Variants in DENND1A observed in about 807,000 individuals in gnomAD.
DENND1A encodes DENN domain-containing protein 1A.
DENND1A carries 51 observed loss-of-function variants against 113.7 expected under a neutral mutation model. The observed-to-expected ratio is 0.45, with a 90% CI of 0.36 to 0.57. The LOEUF (loss-of-function observed/expected upper bound fraction) is 0.57. Among genes scored for constraint, DENND1A ranks in the 20% least tolerant of loss-of-function variants. The probability of loss-of-function intolerance (pLI) is 0.00; values close to 1 mark genes in which losing one functional copy is unlikely to be tolerated. For missense variants in DENND1A, 1,258 were observed against 1,395.9 expected, an observed-to-expected ratio of 0.90 and a Z score of 1.57; for synonymous variants, 565 against 570.8, an observed-to-expected ratio of 0.99 and a Z score of 0.14.
rs1190576474 is a variant in DENND1A, at chr9:123,530,918, T to C, written c.993+26652A>G. Among the ~76,000 whole-genome samples the C allele has an allele frequency of 2.0e-5, 3 of 152,216 alleles. No individual in the cohort carries two copies. In the South Asian group the frequency reaches 6.2e-4, roughly 31 times the overall value. On this transcript the variant is annotated intron_variant, in intron 13 of 23. Transcript: ENST00000394215. ...ATAAAAGTTATGTAAATGTGGTCTTTTTCTCTCTTTCCAAATTTCTTATTG... is the reference window on the plus strand; with the variant it reads ...ATAAAAGTTATGTAAATGTGGTCTTCTTCTCTCTTTCCAAATTTCTTATTG...
intron 5 of DENND1A, among the ~76,000 whole-genome samples, chr9:123,711,513 G>GTATATGTATATATATATATATA (rs2066612837): frequency 1.7e-5 from 2 of 120,984 alleles, no homozygotes; most frequent in East Asian, 4.6e-4. Flanking sequence ...ATGTATATAT[G>GTATATGTATATATATATATATA]TATATATATA....
At chr9:123,857,468 T>G (rs578065753) in intron 2 of DENND1A, among the ~76,000 whole-genome samples, 29 of 152,178 alleles carry the variant, frequency 1.9e-4, no homozygotes, top group Non-Finnish European at 3.1e-4. Context: ...CCAAAACAAT[T>G]GTTAATTAAA....
chr9:123,826,208 C>G (rs2132686021), intron 2 of DENND1A, among the ~76,000 whole-genome samples: 1 of 152,172 alleles, frequency 6.6e-6, no homozygotes, highest in Non-Finnish European at 1.5e-5. Context: ...ATTTCCACAG[C>G]CTGGGCAACA....
At chr9:123,560,270 C>T (rs908080448) in intron 12 of DENND1A, among the ~76,000 whole-genome samples, 1 of 152,180 alleles carries the variant, frequency 6.6e-6, no homozygotes, top group African/African-American at 2.4e-5. Flanking sequence ...ATGAAGTCAC[C>T]AAGCACAGTG....
At chr9:123,870,528 C>G (rs1846416606) in intron 2 of DENND1A, among the ~76,000 whole-genome samples, 1 of 151,662 alleles carries the variant, frequency 6.6e-6, no homozygotes, top group African/African-American at 2.4e-5. Context: ...TCTCTGCCTC[C>G]CAGGTTCAAG....
At chr9:123,513,630 G>A (rs1278111157) in intron 13 of DENND1A, among the ~76,000 whole-genome samples, 1 of 152,204 alleles carries the variant, frequency 6.6e-6, no homozygotes, top group Non-Finnish European at 1.5e-5. Context: ...ACCAAAAGAG[G>A]GATTGGAAGA....
At chr9:123,435,838 C>T (rs905594117) in intron 19 of DENND1A, among the ~76,000 whole-genome samples, 5 of 152,218 alleles carry the variant, frequency 3.3e-5, no homozygotes, top group Non-Finnish European at 4.4e-5. Flanking sequence ...GCTACTCATT[C>T]CAGCAACGCC....
chr9:123,574,664 A>G lies in DENND1A; in HGVS notation c.867+8505T>C, dbSNP rs367764989. Among the ~76,000 whole-genome samples, 7 of 152,264 alleles carry G rather than the reference A, an allele frequency of 4.6e-5. No homozygotes were observed. The East Asian group carries it at 1.2e-3, about 25-fold the overall frequency. On this transcript the variant is annotated intron_variant, in intron 12 of 23. Transcript: ENST00000394215. ...GGAGAGAATGCAGTCATGGGTTCTTAGTTTGTTTCTGGTTGGGCCGGCAAA... is the reference window on the plus strand; with the variant it reads ...GGAGAGAATGCAGTCATGGGTTCTTGGTTTGTTTCTGGTTGGGCCGGCAAA...
At chr9:123,518,506 A>C (rs2054123713) in intron 13 of DENND1A, among the ~76,000 whole-genome samples, 1 of 151,908 alleles carries the variant, frequency 6.6e-6, no homozygotes, top group Non-Finnish European at 1.5e-5. Context: ...CAGCTGTCCT[A>C]CTCCTCCCTA....
intron 5 of DENND1A, among the ~76,000 whole-genome samples, chr9:123,684,397 T>G (rs950815815): frequency 6.6e-6 from 1 of 152,154 alleles, no homozygotes; most frequent in Non-Finnish European, 1.5e-5. Context: ...TACTTCTCAT[T>G]CCTTTCCCTC....
intron 6 of DENND1A, among the ~76,000 whole-genome samples, chr9:123,676,054 A>G (rs983838255): frequency 5.3e-5 from 8 of 152,268 alleles, no homozygotes; most frequent in African/African-American, 1.9e-4. Context: ...AAATATTTAT[A>G]ACATTTTTAA....
chr9:123,632,470 G>A (rs1391179729), intron 9 of DENND1A, among the ~76,000 whole-genome samples: 1 of 152,182 alleles, frequency 6.6e-6, no homozygotes, highest in Non-Finnish European at 1.5e-5. Flanking sequence ...TTGAGTGAGT[G>A]GAGAATGAAC....
chr9:123,494,844 T>A (rs1423387783), intron 13 of DENND1A, among the ~76,000 whole-genome samples: 25 of 152,028 alleles, frequency 1.6e-4, no homozygotes, highest in Admixed American at 1.0e-3. Context: ...CAGGTTGGAG[T>A]GCAGTGGTGC....
intron 5 of DENND1A, among the ~76,000 whole-genome samples, chr9:123,692,830 G>C (rs1398240621): frequency 2.0e-5 from 3 of 152,110 alleles, no homozygotes; most frequent in African/African-American, 7.2e-5. Flanking sequence ...GGGCCATTTT[G>C]GGGATGAAAA....
At chr9:123,738,788 T>A (rs1317367406) in intron 5 of DENND1A, among the ~76,000 whole-genome samples, 1 of 152,216 alleles carries the variant, frequency 6.6e-6, no homozygotes, top group Non-Finnish European at 1.5e-5. Context: ...GGGATTTGGC[T>A]GGCAGGCCAT....
chr9:123,513,109 G>C (rs1475938113), intron 13 of DENND1A, among the ~76,000 whole-genome samples: 3 of 152,218 alleles, frequency 2.0e-5, no homozygotes, highest in Non-Finnish European at 2.9e-5. Flanking sequence ...CTGTTTACCT[G>C]TTGGCCCTTC....
intron 20 of DENND1A, among the ~76,000 whole-genome samples, chr9:123,408,970 T>A (rs566299545): frequency 1.3e-5 from 2 of 152,328 alleles, no homozygotes; most frequent in African/African-American, 4.8e-5. Context: ...CTGCTGACTT[T>A]GGCTTAAGGG....
chr9:123,618,722 C>T (rs991409529), intron 10 of DENND1A, among the ~76,000 whole-genome samples: 1 of 152,146 alleles, frequency 6.6e-6, no homozygotes, highest in African/African-American at 2.4e-5. Context: ...GTTAAAGGGA[C>T]ACCTTGTCTT....
chr9:123,804,372 C>G (rs189954457), intron 2 of DENND1A, among the ~76,000 whole-genome samples: 177 of 152,240 alleles, frequency 1.2e-3, no homozygotes, highest in Non-Finnish European at 1.7e-3. Context: ...GAAAATGGAC[C>G]AATACACTCC....
Sources: gnomAD v4.1 joint callset for allele counts (sites outside exome capture counted in the v4.1 genomes callset) on GRCh38, gnomAD v4.1.1 for gene constraint, MANE v1.5 for transcripts, NCBI Gene and HGNC (gene_info 2026-07-23, HGNC 2026-07-21) for gene names.